The following INTS3 variants were observed in gnomAD, a reference collection of about 807,000 sequenced individuals.
INTS3 encodes integrator complex subunit 3.
A neutral mutation model predicts 146.3 loss-of-function variants in INTS3; 34 were observed. The observed-to-expected ratio is 0.23, with a 90% CI of 0.18 to 0.31. INTS3 has a LOEUF of 0.31. Among genes scored for constraint, INTS3 ranks in the 10% least tolerant of loss-of-function variants. INTS3 has a pLI of 1.00. For synonymous variants in INTS3, 475 were observed against 494.9 expected (o/e 0.96, Z 0.53); for missense variants, 757 against 1,304.2 (o/e 0.58, Z 6.46).
At chr1:153,753,127 A>G (rs999368402) in intron 8 of INTS3, among the ~76,000 whole-genome samples, 1 of 152,136 alleles carries the variant, frequency 6.6e-6, no homozygotes, top group Non-Finnish European at 1.5e-5. Flanking sequence ...AAAGTGCTGG[A>G]AATTGTAGTA....
Position 153,751,086 on chromosome 1 carries a change from T to C in INTS3, c.585-9T>C. The C allele has an allele frequency of 1.2e-6, 2 of 1,614,008 alleles. No individual in the cohort carries two copies. Among genetic ancestry groups the C allele is most frequent in the Non-Finnish European group, 1.7e-6 (2 of 1,179,902 alleles). Reference sequence around the variant, plus strand: ...AGAGCATAGGAGCCAGTGTGTTTCCTCCCTGCAGGGAGTGGGTCCTGAAGA... The same window carrying C: ...AGAGCATAGGAGCCAGTGTGTTTCCCCCCTGCAGGGAGTGGGTCCTGAAGA... On this transcript the variant is annotated splice_polypyrimidine_tract_variant and intron_variant, in intron 6 of 29. Coordinates refer to ENST00000318967, the MANE Select transcript of INTS3 (RefSeq NM_023015.5).
At chr1:153,752,191 C>T (rs1394036952) in intron 7 of INTS3, 88 bp from the exon 8 acceptor site, 2 of 1,291,458 alleles carry the variant, frequency 1.5e-6, no homozygotes, top group Admixed American at 1.7e-5. Context: ...CTCCCTAGAA[C>T]ATGTTGTTCC....
In INTS3 at chr1:153,746,992, C is replaced by T; in HGVS notation, c.354C>T (p.Gly118=). The stretch of plus-strand genomic sequence containing the variant: ...ACTTAGCTCTGGTGAGTCGTGATGG[C>T]ATGAATATTGTCCTGAATAAAATCA... ...YRDLALVSRD[G]MNIVLNKINQ... The change falls in exon 4 of 30, where the codon GGC becomes GGT. Residue 118 remains glycine (G), a synonymous_variant. Transcript: ENST00000318967. The T allele has an allele frequency of 6.2e-7, 1 of 1,613,780 alleles. No individual in the cohort carries two copies. The highest frequency in any genetic ancestry group is 8.5e-7 in the Non-Finnish European group (1 of 1,179,746).
intron 11 of INTS3, 157 bp downstream of exon 11, chr1:153,759,770 G>A: frequency 3.2e-6 from 2 of 620,162 alleles, no homozygotes; most frequent in East Asian, 5.4e-5. Context: ...CCTTGACCTA[G>A]AAAGAGAATT....
intron 3 of INTS3, among the ~76,000 whole-genome samples, chr1:153,744,033 A>ATG (rs1385828293): frequency 1.3e-4 from 13 of 102,412 alleles, no homozygotes; most frequent in African/African-American, 5.1e-4. Context: ...GAGGGTGTGC[A>ATG]TGTGCGTGTG....
At chr1:153,753,514 GC>G (rs1429001473) in intron 8 of INTS3, among the ~76,000 whole-genome samples, 1 of 151,204 alleles carries the variant, frequency 6.6e-6, no homozygotes, top group African/African-American at 2.4e-5. Flanking sequence ...CCGAGATCGC[GC>G]CACTGCACTC....
Position 153,772,727 on chromosome 1 carries a change from C to G in INTS3, c.2894+16C>G. On this transcript the variant is annotated intron_variant, in intron 28 of 29. Transcript: ENST00000318967. This position sits in a 1 kb window ranked among gnomAD's most constrained non-coding sequence, Gnocchi z 4.6. ...ACAAGATGAAGTGAGGCTCCTGCCA[C>G]TTTGGGCCTTGGAAAGTAGTAGGGG... The G allele has an allele frequency of 1.9e-6, 3 of 1,611,872 alleles. No homozygotes were observed. Among genetic ancestry groups the G allele is most frequent in the South Asian group, 2.2e-5 (2 of 90,980 alleles).
chr1:153,764,846 T>C (rs1672516353), intron 19 of INTS3, 98 bp from the exon 20 acceptor site: 11 of 1,551,872 alleles, frequency 7.1e-6, no homozygotes, highest in Admixed American at 1.7e-5. Context: ...GGAGGACATA[T>C]GCTGTGGGCA....
Position 153,740,708 on chromosome 1 carries a change from G to T in INTS3, c.208G>T (p.Glu70Ter). ...TSMTAGVSEREANDALNAYVC... is the reference protein window; with the variant it reads ...TSMTAGVSER ...GATGACTGCTGGTGTCTCGGAGAGAGAAGCCAATGATGCCCTCAATGCGTA... is the reference window on the plus strand; with the variant it reads ...GATGACTGCTGGTGTCTCGGAGAGATAAGCCAATGATGCCCTCAATGCGTA... The change falls in exon 2 of 30, where the codon GAA (glutamate) becomes TAA (stop). Residue 70 changes from glutamate to a stop codon, truncating the protein, a stop_gained. Coordinates refer to ENST00000318967, the MANE Select transcript of INTS3 (RefSeq NM_023015.5). LOFTEE classifies it high-confidence loss of function. 1 of 1,613,670 alleles carries T rather than the reference G, an allele frequency of 6.2e-7. No individual in the cohort carries two copies. Among genetic ancestry groups the T allele is most frequent in the Non-Finnish European group, 8.5e-7 (1 of 1,179,734 alleles).
chr1:153,758,412 T>C lies in INTS3; in HGVS notation c.1149+649T>C, dbSNP rs142092159. Among the ~76,000 whole-genome samples, 451 of 152,198 alleles carry C rather than the reference T, an allele frequency of 3.0e-3. 3 individuals are homozygous for C. The highest frequency in any genetic ancestry group is 0.01 in the African/African-American group (436 of 41,532). On this transcript the variant is annotated intron_variant, in intron 10 of 29. Coordinates refer to ENST00000318967, the MANE Select transcript of INTS3 (RefSeq NM_023015.5). ...GAGCCCAGAAAGGGCAGCCAAGGGG[T>C]GCTAGTCTGACTGTTGCCTCAGCTC...
rs762769264 is a variant in INTS3 at position 153,754,622 on chromosome 1, C to T, written c.860-20C>T. The T allele has an allele frequency of 2.6e-6, 4 of 1,531,440 alleles. No homozygotes were observed. Among genetic ancestry groups the T allele is most frequent in the Non-Finnish European group, 3.6e-6 (4 of 1,104,858 alleles). 94.9% of individuals were successfully genotyped at this position (1,531,440 alleles called of 1,614,324 possible). On this transcript the variant is annotated intron_variant, in intron 8 of 29. Coordinates refer to ENST00000318967, the MANE Select transcript of INTS3 (RefSeq NM_023015.5). Reference sequence around the variant, plus strand: ...GTCCTTAGGCTTCCTCTTTTCTCTTCCCTTCCACATTTGATTCAGGTATCC... The same window carrying T: ...GTCCTTAGGCTTCCTCTTTTCTCTTTCCTTCCACATTTGATTCAGGTATCC...
At position 153,772,020 on chromosome 1, in the gene INTS3, CGG is replaced by C. The variant is rs999555704; in HGVS notation, c.2720+58_2720+59del. 1,890 of 1,182,564 alleles carry C rather than the reference CGG, an allele frequency of 1.6e-3. 16 individuals carry two copies. In the African/African-American group the frequency reaches 0.024, roughly 15 times the overall value. 73.3% of individuals were successfully genotyped at this position (1,182,564 alleles called of 1,614,324 possible). On this transcript the variant is annotated intron_variant, in intron 26 of 29. Transcript: ENST00000318967. The surrounding 1 kb of genome is among the most constrained non-coding windows in gnomAD (Gnocchi z 4.6). ...CATGGCGGTCTGCAGTGATTGCTGTCGGTGGTGGTGGTGGTGGTGGTGGTGGT... is the reference window on the plus strand; with the variant it reads ...CATGGCGGTCTGCAGTGATTGCTGTCTGGTGGTGGTGGTGGTGGTGGTGGT...
Position 153,763,251 on chromosome 1 carries a change from G to A in INTS3, c.1655G>A (p.Arg552His), listed in dbSNP as rs891288186. Residue 552 changes from arginine to histidine, a missense_variant, in exon 16 of 30, where the codon CGC becomes CAC. Transcript: ENST00000318967. ...CCTTTAGGAAAGAAGAGGGAGTTTC[G>A]CTTCCACCCTATCAAGGAGACAGTT... ...LNSKGKKREFRFHPIKETVVE... is the reference protein window; with the variant it reads ...LNSKGKKREFHFHPIKETVVE... 6 of 1,614,046 alleles carry A rather than the reference G, an allele frequency of 3.7e-6. No individual in the cohort carries two copies. Among genetic ancestry groups the A allele is most frequent in the Non-Finnish European group, 5.1e-6 (6 of 1,180,038 alleles).
chr1:153,732,951 GC>G (rs1320759853), intron 1 of INTS3, among the ~76,000 whole-genome samples: 3 of 151,218 alleles, frequency 2.0e-5, no homozygotes, highest in Non-Finnish European at 2.9e-5. Context: ...GTAAAGGCAC[GC>G]ACCACCATGC....
In INTS3 at chr1:153,773,695, T is replaced by A. The variant is rs1250159379; in HGVS notation, c.*425T>A. The A allele has an allele frequency of 4.6e-6, 1 of 218,946 alleles. No homozygotes were observed. Among genetic ancestry groups the A allele is most frequent in the East Asian group, 1.1e-4 (1 of 9,052 alleles). The allele number at this position is 218,946 out of a possible 1,614,324, so 13.6% of individuals were successfully genotyped here. On this transcript the variant is annotated 3_prime_UTR_variant, in exon 30 of 30. Coordinates refer to ENST00000318967, the MANE Select transcript of INTS3 (RefSeq NM_023015.5). ...CAGAGACTCAGTGTGTGGGTGTCCC[T>A]TCCTGCTTCCCCTTCAGGTCTTGGT...
intron 6 of INTS3, among the ~76,000 whole-genome samples, chr1:153,749,902 A>G (rs1671892825): frequency 6.6e-6 from 1 of 152,216 alleles, no homozygotes; most frequent in Admixed American, 6.5e-5. Context: ...CAGGCATCAG[A>G]TAACAGCCAG....
At position 153,753,007 on chromosome 1, in the gene INTS3, C is replaced by T. The variant is rs377571579; in HGVS notation, c.859+599C>T. Among the ~76,000 whole-genome samples, 239 of 151,952 alleles carry T rather than the reference C, an allele frequency of 1.6e-3. 9 individuals carry two copies. The South Asian group carries it at 0.047, about 30-fold the overall frequency. Reference sequence around the variant, plus strand: ...GCTCCCCACCCCACCTCAACACACACGTGCTTGTGATCGTGCATGCACCCG... The same window carrying T: ...GCTCCCCACCCCACCTCAACACACATGTGCTTGTGATCGTGCATGCACCCG... On this transcript the variant is annotated intron_variant, in intron 8 of 29. Transcript: ENST00000318967.
intron 2 of INTS3, 60 bp downstream of exon 2, chr1:153,740,794 C>A: frequency 7.6e-7 from 1 of 1,324,094 alleles, no homozygotes; most frequent in Non-Finnish European, 1.1e-6. Context: ...GAAACATGGT[C>A]AAAAAGATGG....
At chr1:153,754,787 C>A in intron 9 of INTS3, 48 bp downstream of exon 9, 1 of 1,215,826 alleles carries the variant, frequency 8.2e-7, no homozygotes, top group Non-Finnish European at 1.2e-6. Context: ...GCTGGCTGGG[C>A]TTCTTGCTTC....
Sources: gnomAD v4.1 joint callset for allele counts (sites outside exome capture counted in the v4.1 genomes callset) on GRCh38, gnomAD v4.1.1 for gene constraint, Gnocchi (gnomAD v3.1) non-coding constraint, MANE v1.5 for transcripts, NCBI Gene and HGNC (gene_info 2026-07-23, HGNC 2026-07-21) for gene names.